Variants in TENM4 observed in about 807,000 individuals in gnomAD.
TENM4 encodes the protein teneurin-4.
TENM4 carries 82 observed loss-of-function variants against 243.3 expected under a neutral mutation model. The observed-to-expected ratio is 0.34, with a 90% confidence interval of 0.28 to 0.40. The LOEUF (loss-of-function observed/expected upper bound fraction) is 0.40, where lower values mean the gene tolerates loss of function less well. Among genes scored for constraint, TENM4 ranks in the 10% least tolerant of loss-of-function variants. The pLI is 1.00. For synonymous variants in TENM4, 1,412 were observed against 1,456.3 expected (o/e 0.97, Z 0.69); for missense variants, 3,138 against 3,673.3 (o/e 0.85, Z 3.77).
At chr11:78,861,962 A>G (rs1858831517) in intron 10 of TENM4, among the ~76,000 whole-genome samples, 1 of 152,128 alleles carries the variant, frequency 6.6e-6, no homozygotes, top group Non-Finnish European at 1.5e-5. Context: ...CTGGGTGCCA[A>G]TTTTTGTGAG....
intron 30 of TENM4, 115 bp from the exon 31 acceptor site, chr11:78,672,444 C>A (rs1858356085): frequency 4.8e-6 from 5 of 1,052,028 alleles, no homozygotes; most frequent in Non-Finnish European, 6.8e-6. Flanking sequence ...GGAGGGAGCA[C>A]AGTCCTGCGC....
chr11:79,229,307 A>G (rs1055876628), intron 2 of TENM4, among the ~76,000 whole-genome samples: 5 of 152,232 alleles, frequency 3.3e-5, no homozygotes, highest in Non-Finnish European at 7.3e-5. Flanking sequence ...AGAAGACCAA[A>G]AAGCCCTCAT....
At chr11:78,916,500 CT>C (rs1856320232) in intron 6 of TENM4, among the ~76,000 whole-genome samples, 1 of 152,050 alleles carries the variant, frequency 6.6e-6, no homozygotes, top group Admixed American at 6.5e-5. Context: ...CATGTACAGT[CT>C]TTAGGTCTGG....
At chr11:79,138,944 T>C (rs1254010473) in intron 4 of TENM4, among the ~76,000 whole-genome samples, 2 of 107,340 alleles carry the variant, frequency 1.9e-5, no homozygotes, top group Non-Finnish European at 3.4e-5. Flanking sequence ...ATATAAAATA[T>C]ATATTATATT....
intron 28 of TENM4, among the ~76,000 whole-genome samples, chr11:78,691,934 C>T (rs1031397302): frequency 6.6e-6 from 1 of 152,190 alleles, no homozygotes; most frequent in Non-Finnish European, 1.5e-5. Flanking sequence ...AGAACTGCTC[C>T]TTCTGACTGT....
rs550961922 is a variant in TENM4, at chr11:78,665,333, A to G, written c.7408+3604T>C. On this transcript the variant is annotated intron_variant, in intron 32 of 33. Coordinates refer to ENST00000278550, the MANE Select transcript of TENM4 (RefSeq NM_001098816.3). ...GTCACCCAGGCTGGAGTGCAGTGGC[A>G]TGATCTTGACTCACTGCAACCTCCG... Among the ~76,000 whole-genome samples, 6 of 147,254 alleles carry G rather than the reference A, an allele frequency of 4.1e-5. No individual in the cohort carries two copies. In the East Asian group the frequency reaches 1.2e-3, roughly 30 times the overall value.
At chr11:78,803,745 G>A (rs892797150) in intron 15 of TENM4, among the ~76,000 whole-genome samples, 7 of 152,236 alleles carry the variant, frequency 4.6e-5, no homozygotes, top group Non-Finnish European at 8.8e-5. Flanking sequence ...GGGATTAACA[G>A]TGCAAGACGC....
At chr11:78,737,012 C>T (rs977858017) in intron 20 of TENM4, among the ~76,000 whole-genome samples, 1 of 152,148 alleles carries the variant, frequency 6.6e-6, no homozygotes, top group Non-Finnish European at 1.5e-5. Context: ...ATGCCAGACT[C>T]GGTGTGTTTT....
intron 6 of TENM4, among the ~76,000 whole-genome samples, chr11:78,933,974 C>T (rs1304290965): frequency 1.3e-5 from 2 of 152,154 alleles, no homozygotes; most frequent in Non-Finnish European, 2.9e-5. Flanking sequence ...AGGACAATTT[C>T]TCCTGGGGAT....
intron 1 of TENM4, among the ~76,000 whole-genome samples, chr11:79,421,705 T>TAA (rs761710897): frequency 2.2e-5 from 3 of 137,234 alleles, no homozygotes; most frequent in African/African-American, 2.7e-5. Flanking sequence ...GCTCTGAAAT[T>TAA]AAAAAAAAAA....
intron 1 of TENM4, among the ~76,000 whole-genome samples, chr11:79,298,521 CAAAAAAAAAAAAAA>C (rs61373828): frequency 3.5e-4 from 6 of 17,256 alleles, no homozygotes; most frequent in Non-Finnish European, 7.0e-4. Context: ...GACTCCGTCT[CAAAAAAAAAAAAAA>C]AAAAAAAAAA....
chr11:78,912,790 T>C (rs1309328588), intron 6 of TENM4, among the ~76,000 whole-genome samples: 4 of 152,234 alleles, frequency 2.6e-5, no homozygotes, highest in Non-Finnish European at 4.4e-5. Flanking sequence ...TGGTAATTCA[T>C]AGACAAATTA....
chr11:79,072,307 GC>G (rs747735482), intron 4 of TENM4, among the ~76,000 whole-genome samples: 34 of 152,104 alleles, frequency 2.2e-4, no homozygotes, highest in Admixed American at 2.6e-4. Flanking sequence ...GCACAGCAAG[GC>G]CCTGTTTCTA....
chr11:79,081,343 C>A (rs1860666991), intron 4 of TENM4, among the ~76,000 whole-genome samples: 1 of 152,200 alleles, frequency 6.6e-6, no homozygotes, highest in Non-Finnish European at 1.5e-5. Flanking sequence ...CGGGTGCCAT[C>A]AAGATACCTT....
At chr11:79,268,419 T>C (rs1247047077) in intron 2 of TENM4, among the ~76,000 whole-genome samples, 2 of 152,362 alleles carry the variant, frequency 1.3e-5, no homozygotes, top group East Asian at 3.9e-4. Context: ...TATCTGACAC[T>C]GGACAAGTCA....
At chr11:79,207,394 TAAC>T (rs750403587) in intron 3 of TENM4, among the ~76,000 whole-genome samples, 7 of 152,210 alleles carry the variant, frequency 4.6e-5, no homozygotes, top group Non-Finnish European at 1.0e-4. Flanking sequence ...TATTTGACCC[TAAC>T]AACAACATTA....
chr11:79,436,949 C>T (rs1323143087), intron 1 of TENM4, among the ~76,000 whole-genome samples: 2 of 152,210 alleles, frequency 1.3e-5, no homozygotes, highest in African/African-American at 4.8e-5. Context: ...CCGAATTAGC[C>T]CCCTAAAAGC....
intron 15 of TENM4, among the ~76,000 whole-genome samples, chr11:78,799,876 T>C (rs1172019382): frequency 6.6e-6 from 1 of 152,010 alleles, no homozygotes; most frequent in Non-Finnish European, 1.5e-5. Context: ...CCCTCTCAAA[T>C]AAAAGTCATT....
intron 4 of TENM4, among the ~76,000 whole-genome samples, chr11:79,124,751 A>G (rs986603334): frequency 2.4e-5 from 3 of 122,840 alleles, no homozygotes; most frequent in Non-Finnish European, 5.2e-5. Flanking sequence ...GGACAGAACT[A>G]ATCAAATATA....
Sources: allele counts gnomAD v4.1 joint callset (sites outside exome capture counted in the v4.1 genomes callset), GRCh38; gene constraint gnomAD v4.1.1; transcripts MANE v1.5; gene names NCBI Gene and HGNC (gene_info 2026-07-23, HGNC 2026-07-21).